The following KCNH1 variants were observed in gnomAD, a reference collection of about 807,000 sequenced individuals.
KCNH1 encodes the protein potassium voltage-gated channel subfamily H member 1.
A neutral mutation model predicts 69.2 loss-of-function variants in KCNH1; 27 were observed. The ratio of observed to expected loss-of-function variants is 0.39; its 90% CI spans 0.29 to 0.54. KCNH1 has a LOEUF of 0.54. KCNH1 is among the 20% of genes least tolerant of loss of function. The pLI, the probability that KCNH1 is intolerant of heterozygous loss-of-function variation, is 0.68. For synonymous variants in KCNH1, 456 were observed against 487.7 expected (o/e 0.93, Z 0.86); for missense variants, 798 against 1,261.6 (o/e 0.63, Z 5.57).
At chr1:210,754,622 A>G (rs1683353892) in intron 10 of KCNH1, among the ~76,000 whole-genome samples, 2 of 151,642 alleles carry the variant, frequency 1.3e-5, no homozygotes, top group Admixed American at 1.3e-4. Context: ...AACTCTCTCT[A>G]TTGCTCCTGC....
intron 5 of KCNH1, among the ~76,000 whole-genome samples, chr1:211,058,982 T>C (rs1390509057): frequency 6.6e-6 from 1 of 152,024 alleles, no homozygotes; most frequent in Non-Finnish European, 1.5e-5. Flanking sequence ...ACAAAAACTA[T>C]AAAAAGAGAA....
At chr1:210,915,252 C>T (rs192055582) in intron 7 of KCNH1, among the ~76,000 whole-genome samples, 10 of 152,254 alleles carry the variant, frequency 6.6e-5, no homozygotes, top group African/African-American at 2.2e-4. Flanking sequence ...TCTGTCCTTC[C>T]TATCCACCTC....
intron 7 of KCNH1, among the ~76,000 whole-genome samples, chr1:210,885,179 C>T (rs988047336): frequency 1.9e-4 from 29 of 152,202 alleles, no homozygotes; most frequent in Admixed American, 1.6e-3. Flanking sequence ...ACGCAGAAGG[C>T]GGGTGATTTC....
At chr1:210,950,941 T>C (rs557631199) in intron 6 of KCNH1, among the ~76,000 whole-genome samples, 1 of 152,276 alleles carries the variant, frequency 6.6e-6, no homozygotes, top group Admixed American at 6.5e-5. Context: ...GAACTTACCT[T>C]CTAGTGGGAG....
chr1:210,864,521 G>A (rs900488199), intron 7 of KCNH1, among the ~76,000 whole-genome samples: 1 of 152,212 alleles, frequency 6.6e-6, no homozygotes, highest in Admixed American at 6.5e-5. Flanking sequence ...TGTGTCAGCT[G>A]CCACTGCTCA....
intron 10 of KCNH1, among the ~76,000 whole-genome samples, chr1:210,751,193 G>A (rs1158281860): frequency 6.6e-6 from 1 of 152,152 alleles, no homozygotes; most frequent in East Asian, 1.9e-4. Context: ...CATCTACATA[G>A]ACTGAGTTAC....
At chr1:210,772,081 T>G (rs1683762920) in intron 10 of KCNH1, among the ~76,000 whole-genome samples, 1 of 152,204 alleles carries the variant, frequency 6.6e-6, no homozygotes, top group African/African-American at 2.4e-5. Context: ...CAGGAAACTG[T>G]GATCAGGAAG....
At chr1:210,689,989 A>G (rs955412999) in intron 10 of KCNH1, among the ~76,000 whole-genome samples, 4 of 152,150 alleles carry the variant, frequency 2.6e-5, no homozygotes, top group Non-Finnish European at 5.9e-5. Context: ...ACTTGTGCTC[A>G]CACATGAGCA....
intron 7 of KCNH1, 123 bp from the exon 8 acceptor site, chr1:210,804,289 A>G: frequency 1.4e-6 from 1 of 734,214 alleles, no homozygotes; most frequent in South Asian, 1.8e-5. Context: ...CCCAGTGCAG[A>G]CTGCCCTGAC....
At chr1:210,944,322 C>A (rs1037271416) in intron 6 of KCNH1, among the ~76,000 whole-genome samples, 3 of 152,190 alleles carry the variant, frequency 2.0e-5, no homozygotes, top group African/African-American at 7.2e-5. Context: ...AAATCCCTTT[C>A]CTGGTGATAC....
At chr1:210,793,201 G>A (rs1297361066) in intron 9 of KCNH1, among the ~76,000 whole-genome samples, 1 of 152,174 alleles carries the variant, frequency 6.6e-6, no homozygotes, top group Non-Finnish European at 1.5e-5. Context: ...ACAGCAAAGG[G>A]AAAGATCATA....
chr1:211,065,673 CAT>C (rs758147815), intron 5 of KCNH1, among the ~76,000 whole-genome samples: 9 of 152,088 alleles, frequency 5.9e-5, no homozygotes, highest in African/African-American at 1.9e-4. Context: ...TGAGGTGACA[CAT>C]ATGTTAGTTT....
At chr1:211,055,067 T>C (rs1465748031) in intron 5 of KCNH1, among the ~76,000 whole-genome samples, 2 of 152,046 alleles carry the variant, frequency 1.3e-5, no homozygotes, top group African/African-American at 2.4e-5. Flanking sequence ...ATTGAACAAT[T>C]ATCCACACAA....
At chr1:211,084,946 T>A (rs1227527886) in intron 4 of KCNH1, among the ~76,000 whole-genome samples, 1 of 151,916 alleles carries the variant, frequency 6.6e-6, no homozygotes, top group Admixed American at 6.6e-5. Context: ...CAGGGAAGAC[T>A]GAAAAATTAA....
At chr1:211,045,755 G>A (rs1690085462) in intron 5 of KCNH1, among the ~76,000 whole-genome samples, 1 of 152,212 alleles carries the variant, frequency 6.6e-6, no homozygotes, top group South Asian at 2.1e-4. Flanking sequence ...ATTAACTATA[G>A]TCACTATGCT....
intron 6 of KCNH1, among the ~76,000 whole-genome samples, chr1:211,017,386 T>C (rs1689511382): frequency 6.6e-6 from 1 of 152,270 alleles, no homozygotes; most frequent in Non-Finnish European, 1.5e-5. Context: ...CTGAGTCCTA[T>C]GAGCCGTTTA....
At chr1:211,099,885 T>C (rs1220077604) in intron 3 of KCNH1, among the ~76,000 whole-genome samples, 2 of 152,096 alleles carry the variant, frequency 1.3e-5, no homozygotes, top group African/African-American at 2.4e-5. Flanking sequence ...ATCTCCTCCA[T>C]AGCCCCCTGG....
At position 210,681,979 on chromosome 1, in the gene KCNH1, C is replaced by A. The variant is rs1681280525; in HGVS notation, c.*1302G>T. 6.6e-6 allele frequency: 1 copy of A among 152,202 alleles called. No homozygotes were observed. The highest frequency in any genetic ancestry group is 6.5e-5 in the Admixed American group (1 of 15,286). The allele number at this position is 152,202 out of a possible 1,614,324, so 9.4% of individuals were successfully genotyped here. ...CATGAGGCAGTGAAGTGTCCCCGAG[C>A]ATCGTGGCATAGGGGCTTGGATGGC... On this transcript the variant is annotated 3_prime_UTR_variant, in exon 11 of 11. Transcript: ENST00000271751.
intron 2 of KCNH1, 39 bp from the exon 3 acceptor site, chr1:211,103,641 AT>A (rs1371698975): frequency 1.8e-5 from 24 of 1,297,720 alleles, no homozygotes; most frequent in Admixed American, 1.6e-4. Context: ...ATTAAGAAGT[AT>A]TCATTATTCT....
Sources: allele counts gnomAD v4.1 joint callset (sites outside exome capture counted in the v4.1 genomes callset), GRCh38; gene constraint gnomAD v4.1.1; transcripts MANE v1.5; gene names NCBI Gene and HGNC (gene_info 2026-07-23, HGNC 2026-07-21).